ABLIM2: variants seen among roughly 807,000 people sequenced by gnomAD.
The protein encoded by ABLIM2 is actin-binding LIM protein 2.
ABLIM2 carries 53 observed loss-of-function variants against 97.7 expected under a neutral mutation model. The observed-to-expected ratio is 0.54, with a 90% CI of 0.44 to 0.68. The LOEUF (loss-of-function observed/expected upper bound fraction) is 0.68, where lower values mean the gene tolerates loss of function less well. Ranked by LOEUF, ABLIM2 falls within the 30% of genes least tolerant of loss-of-function variation. The pLI is 0.00. For synonymous variants in ABLIM2, 361 were observed against 345.8 expected (o/e 1.04, Z -0.49); for missense variants, 835 against 867.2 (o/e 0.96, Z 0.47).
At chr4:8,121,492 G>C (rs1845426495) in intron 1 of ABLIM2, among the ~76,000 whole-genome samples, 1 of 152,234 alleles carries the variant, frequency 6.6e-6, no homozygotes. Flanking sequence ...AGGTGTCCCG[G>C]AGGGTCAGGG....
rs892353188 is a variant in ABLIM2 at position 8,003,719 on chromosome 4, C to T, written c.1618+4340G>A. On this transcript the variant is annotated intron_variant, in intron 16 of 20. Coordinates refer to ENST00000447017, the MANE Select transcript of ABLIM2 (RefSeq NM_001130083.2). This position sits in a 1 kb window ranked among gnomAD's most constrained non-coding sequence, Gnocchi z 4.2. Reference sequence around the variant, plus strand: ...TAGCTGAGATTACAGGTATCCTCCACCATGCCTGGCTGATTTTTTGTGTTT... The same window carrying T: ...TAGCTGAGATTACAGGTATCCTCCATCATGCCTGGCTGATTTTTTGTGTTT... 6.6e-6 allele frequency among the ~76,000 whole-genome samples: 1 copy of T among 152,126 alleles called. No individual in the cohort carries two copies. Among genetic ancestry groups the T allele is most frequent in the Admixed American group, 6.5e-5 (1 of 15,272 alleles).
In ABLIM2 at chr4:7,967,053, C is replaced by T. The variant is rs544038105; in HGVS notation, c.1875G>A (p.Glu625=). ...TCCAGAGGGCCAGGCGGTCAAACTC[C>T]TCGATGCTCATCCCAAACACTTCCT... ...EFQEVFGMSI[E]EFDRLALWKR... The change falls in exon 21 of 21, where the codon GAG becomes GAA. Residue 625 remains glutamate (E), a synonymous_variant. Transcript: ENST00000447017. The T allele has an allele frequency of 7.4e-6, 12 of 1,613,962 alleles. No individual in the cohort carries two copies. In the South Asian group the frequency reaches 1.3e-4, roughly 18 times the overall value.
intron 6 of ABLIM2, among the ~76,000 whole-genome samples, chr4:8,062,337 T>C (rs1803791401): frequency 1.3e-5 from 2 of 152,128 alleles, no homozygotes; most frequent in Non-Finnish European, 2.9e-5. Flanking sequence ...GGGATCTCTC[T>C]GGATAGCAGG....
At chr4:8,156,100 G>T (rs187758152) in intron 1 of ABLIM2, among the ~76,000 whole-genome samples, 2 of 152,330 alleles carry the variant, frequency 1.3e-5, no homozygotes, top group Admixed American at 1.3e-4. Context: ...GCCAGCAGCT[G>T]CCCAGGAGGA....
chr4:8,111,354 G>A lies in ABLIM2; in HGVS notation c.11-4717C>T, dbSNP rs1840190203. On this transcript the variant is annotated intron_variant, in intron 1 of 20. Coordinates refer to ENST00000447017, the MANE Select transcript of ABLIM2 (RefSeq NM_001130083.2). ...GGCTGGGATCAACGGAGCACAGGGCGTTTTTAGCAGTGACGCTGCTCTGGG... is the reference window on the plus strand; with the variant it reads ...GGCTGGGATCAACGGAGCACAGGGCATTTTTAGCAGTGACGCTGCTCTGGG... Among the ~76,000 whole-genome samples the A allele has an allele frequency of 2.0e-5, 3 of 152,212 alleles. No individual in the cohort carries two copies. In the South Asian group the frequency reaches 6.2e-4, roughly 32 times the overall value.
chr4:8,050,264 C>T (rs901218407), intron 8 of ABLIM2, among the ~76,000 whole-genome samples: 2 of 152,196 alleles, frequency 1.3e-5, no homozygotes, highest in East Asian at 1.9e-4. Context: ...CAGTATTTTA[C>T]AGTTTCACTC....
intron 7 of ABLIM2, among the ~76,000 whole-genome samples, chr4:8,057,488 CA>C (rs1473705953): frequency 6.6e-6 from 1 of 152,196 alleles, no homozygotes; most frequent in East Asian, 1.9e-4. Flanking sequence ...AGTCTTGGCT[CA>C]AAGAGTGGGG....
intron 12 of ABLIM2, among the ~76,000 whole-genome samples, chr4:8,024,528 G>A (rs1776104890): frequency 6.6e-6 from 1 of 152,200 alleles, no homozygotes; most frequent in Admixed American, 6.5e-5. Context: ...AACAGGAAGG[G>A]CTTTCCCAGA....
chr4:8,062,294 G>A (rs1443853026), intron 6 of ABLIM2, among the ~76,000 whole-genome samples: 1 of 152,174 alleles, frequency 6.6e-6, no homozygotes, highest in Non-Finnish European at 1.5e-5. Context: ...GCAGGGCCTG[G>A]CACCTGGGCC....
Position 8,148,894 on chromosome 4 carries a change from G to T in ABLIM2, c.10+9786C>A, listed in dbSNP as rs922659353. 6.6e-6 allele frequency among the ~76,000 whole-genome samples: 1 copy of T among 152,210 alleles called. No homozygotes were observed. Among genetic ancestry groups the T allele is most frequent in the African/African-American group, 2.4e-5 (1 of 41,448 alleles). On this transcript the variant is annotated intron_variant, in intron 1 of 20. Transcript: ENST00000447017. The surrounding 1 kb of genome is among the most constrained non-coding windows in gnomAD (Gnocchi z 6.7). ...TGATGTACCAAGAAACCTGGGCTCC[G>T]CAGGCACCCGGGAGATCAGGCCACG...
At chr4:7,967,409 C>T (rs970751595) in intron 20 of ABLIM2, among the ~76,000 whole-genome samples, 16 of 152,326 alleles carry the variant, frequency 1.1e-4, no homozygotes, top group South Asian at 6.2e-4. Context: ...TGTCCCAGAG[C>T]AGGACCCCCA....
chr4:8,053,685 T>C (rs974055250), intron 8 of ABLIM2, among the ~76,000 whole-genome samples: 1 of 152,192 alleles, frequency 6.6e-6, no homozygotes, highest in African/African-American at 2.4e-5. Context: ...GGAAACTTGG[T>C]GTCCTTTGTG....
chr4:8,057,292 G>A (rs1003870442), intron 7 of ABLIM2, among the ~76,000 whole-genome samples: 11 of 152,120 alleles, frequency 7.2e-5, no homozygotes, highest in Middle Eastern at 3.4e-3. Context: ...CGCCATGTTG[G>A]CCAGGCTGGT....
At chr4:7,973,202 G>A (rs1479899493) in intron 20 of ABLIM2, among the ~76,000 whole-genome samples, 1 of 151,944 alleles carries the variant, frequency 6.6e-6, no homozygotes, top group Non-Finnish European at 1.5e-5. Context: ...TTGGCTGCTG[G>A]AGGAAGCATA....
Position 7,986,874 on chromosome 4 carries a change from T to C in ABLIM2, c.1681-1981A>G, listed in dbSNP as rs1350660933. On this transcript the variant is annotated intron_variant, in intron 17 of 20. Transcript: ENST00000447017. This position sits in a 1 kb window ranked among gnomAD's most constrained non-coding sequence, Gnocchi z 4.3. ...TTTTAGTAGAGATGGGTTTCACATG[T>C]TGGCTAAGCTGGTCTCGAACTCCTG... Among the ~76,000 whole-genome samples the C allele has an allele frequency of 6.6e-6, 1 of 152,198 alleles. No individual in the cohort carries two copies. The highest frequency in any genetic ancestry group is 1.9e-4 in the East Asian group (1 of 5,196).
At chr4:7,972,263 C>A (rs28480985) in intron 20 of ABLIM2, among the ~76,000 whole-genome samples, 1 of 152,130 alleles carries the variant, frequency 6.6e-6, no homozygotes, top group Non-Finnish European at 1.5e-5. Context: ...CAGCCTTGCA[C>A]GCCTCTTCTC....
intron 7 of ABLIM2, among the ~76,000 whole-genome samples, chr4:8,055,699 G>T (rs553558570): frequency 6.6e-6 from 1 of 152,222 alleles, no homozygotes; most frequent in Non-Finnish European, 1.5e-5. Context: ...ATTTCATGGC[G>T]GCTCGTTTCT....
chr4:8,116,868 C>G (rs1439994655), intron 1 of ABLIM2, among the ~76,000 whole-genome samples: 1 of 152,150 alleles, frequency 6.6e-6, no homozygotes, highest in Non-Finnish European at 1.5e-5. Flanking sequence ...CTGGAACTTG[C>G]CCACCAAGCA....
intron 4 of ABLIM2, among the ~76,000 whole-genome samples, chr4:8,081,094 C>T (rs372584523): frequency 4.7e-4 from 72 of 152,030 alleles, no homozygotes; most frequent in South Asian, 1.3e-3. Context: ...TGCAGGAGAG[C>T]GGAGTTGGCT....
Sources: gnomAD v4.1 joint callset for allele counts (sites outside exome capture counted in the v4.1 genomes callset) on GRCh38, gnomAD v4.1.1 for gene constraint, Gnocchi (gnomAD v3.1) non-coding constraint, MANE v1.5 for transcripts, NCBI Gene and HGNC (gene_info 2026-07-23, HGNC 2026-07-21) for gene names.